Variants in LNPK observed in about 807,000 individuals in gnomAD.
LNPK encodes the protein endoplasmic reticulum junction formation protein lunapark.
LNPK carries 29 observed loss-of-function variants against 55.2 expected under a neutral mutation model. The observed-to-expected ratio is 0.53, with a 90% confidence interval of 0.39 to 0.72. LNPK has a LOEUF of 0.72. LNPK is among the 30% of genes least tolerant of loss of function. LNPK has a pLI of 0.00. For synonymous variants in LNPK, 162 were observed against 168.2 expected, an observed-to-expected ratio of 0.96 and a Z score of 0.29; for missense variants, 467 against 494.8, an observed-to-expected ratio of 0.94 and a Z score of 0.53.
rs1221289116 is a variant in LNPK at position 175,939,540 on chromosome 2, A to G, written c.812+12T>C. The G allele has an allele frequency of 7.4e-7, 1 of 1,356,060 alleles. No individual in the cohort carries two copies. Among genetic ancestry groups the G allele is most frequent in the Admixed American group, 1.7e-5 (1 of 58,600 alleles). The allele number at this position is 1,356,060 out of a possible 1,614,324, so 84.0% of individuals were successfully genotyped here. ...TTCATTTTCATTTATCTACCACCTT[A>G]GTAAATATTACCTGTTTTGTGGACC... On this transcript the variant is annotated intron_variant, in intron 10 of 12. Coordinates refer to ENST00000272748, the MANE Select transcript of LNPK (RefSeq NM_030650.3).
chr2:175,959,864 G>C (rs1253284162), intron 8 of LNPK, among the ~76,000 whole-genome samples: 3 of 150,830 alleles, frequency 2.0e-5, no homozygotes, highest in Non-Finnish European at 3.0e-5. Flanking sequence ...GATGGAGGAA[G>C]ATCTACCAAG....
At chr2:175,944,298 T>C (rs1685010310) in intron 9 of LNPK, among the ~76,000 whole-genome samples, 1 of 152,088 alleles carries the variant, frequency 6.6e-6, no homozygotes, top group Admixed American at 6.6e-5. Context: ...AGAAATATAC[T>C]GTGTTCATGT....
chr2:175,934,582 A>C (rs1029570090), intron 12 of LNPK, among the ~76,000 whole-genome samples: 3 of 152,274 alleles, frequency 2.0e-5, no homozygotes, highest in Admixed American at 6.5e-5. Context: ...TCACTGCATT[A>C]GAATATCAAC....
chr2:175,933,292 T>C (rs1006618397), intron 12 of LNPK, among the ~76,000 whole-genome samples: 1 of 152,262 alleles, frequency 6.6e-6, no homozygotes, highest in South Asian at 2.1e-4. Flanking sequence ...ACCTATAAAC[T>C]ACACACATGC....
At chr2:175,949,265 T>A (rs912942603) in intron 8 of LNPK, among the ~76,000 whole-genome samples, 3 of 152,078 alleles carry the variant, frequency 2.0e-5, no homozygotes, top group Non-Finnish European at 4.4e-5. Flanking sequence ...ACAAATCATA[T>A]CCTAACGTCT....
At chr2:175,988,835 G>A (rs569861763) in intron 4 of LNPK, among the ~76,000 whole-genome samples, 14 of 152,198 alleles carry the variant, frequency 9.2e-5, no homozygotes, top group South Asian at 2.1e-4. Context: ...GTGCAGTGGC[G>A]TGACCTCGGC....
At chr2:175,968,855 C>A (rs1266845672) in intron 6 of LNPK, among the ~76,000 whole-genome samples, 2 of 151,958 alleles carry the variant, frequency 1.3e-5, no homozygotes, top group Non-Finnish European at 2.9e-5. Flanking sequence ...CCCGCCTCTA[C>A]TAAAAATACA....
rs767819464 is a variant in LNPK, at chr2:175,939,551, CCT to C, written c.811_812del (p.Arg271ValfsTer12). ...TTATCTACCACCTTAGTAAATATTA[CCT>C]GTTTTGTGGACCATCACCAACCAAA... Reference protein sequence around the residue: ...EYLVGDGPQNRYALICQQCFS... With the variant: ...EYLVGDGPQNXYALICQQCFS... On this transcript the variant is annotated frameshift_variant and splice_region_variant, in exon 10 of 13. Transcript: ENST00000272748. LOFTEE classifies it high-confidence loss of function. 3 of 1,482,678 alleles carry C rather than the reference CCT, an allele frequency of 2.0e-6. No homozygotes were observed. Among genetic ancestry groups the C allele is most frequent in the Non-Finnish European group, 2.8e-6 (3 of 1,063,106 alleles). The allele number at this position is 1,482,678 out of a possible 1,614,324, so 91.8% of individuals were successfully genotyped here.
intron 11 of LNPK, 25 bp downstream of exon 11, chr2:175,938,288 A>C (rs769254405): frequency 4.6e-5 from 65 of 1,410,680 alleles, no homozygotes; most frequent in Non-Finnish European, 6.3e-5. Context: ...AAAATATTTA[A>C]ATCTCATTGC....
rs1374033032 is a variant in LNPK at position 175,937,461 on chromosome 2, G to T, written c.937C>A (p.Gln313Lys). Residue 313 changes from glutamine to lysine, a missense_variant, in exon 12 of 13, where the codon CAG (glutamine) becomes AAG (lysine). Transcript: ENST00000272748. ...FLNPARKTRP[Q>K]APRLPEFSFE... is the part of the protein sequence containing the mutation. ...CTAAACTCAGGAAGTCTTGGAGCCT[G>T]AGGTCTGGTTTTTCTTGCAGGGTTC... The T allele has an allele frequency of 1.9e-6, 3 of 1,613,674 alleles. No homozygotes were observed. The East Asian group carries it at 6.7e-5, about 36-fold the overall frequency.
chr2:175,972,302 G>T (rs1244966836), intron 5 of LNPK, among the ~76,000 whole-genome samples: 1 of 152,030 alleles, frequency 6.6e-6, no homozygotes, highest in Non-Finnish European at 1.5e-5. Context: ...TGAAATGCTT[G>T]GTGCTAGAAG....
chr2:175,944,242 A>T (rs917484128), intron 9 of LNPK, among the ~76,000 whole-genome samples: 2 of 152,160 alleles, frequency 1.3e-5, no homozygotes, highest in Non-Finnish European at 2.9e-5. Flanking sequence ...TACACCAAAC[A>T]CTACAAAACA....
intron 6 of LNPK, among the ~76,000 whole-genome samples, chr2:175,970,260 A>G (rs749074305): frequency 3.3e-5 from 5 of 152,122 alleles, no homozygotes; most frequent in Non-Finnish European, 7.4e-5. Flanking sequence ...ATAGATATCC[A>G]TGTGATCAGA....
chr2:175,941,333 G>A (rs753443806), intron 9 of LNPK, among the ~76,000 whole-genome samples: 6 of 139,360 alleles, frequency 4.3e-5, no homozygotes, highest in Non-Finnish European at 8.3e-5. Flanking sequence ...TCAAGAAGAG[G>A]AGAAAAATGA....
chr2:175,933,239 A>G (rs1467159076), intron 12 of LNPK, among the ~76,000 whole-genome samples: 4 of 152,170 alleles, frequency 2.6e-5, no homozygotes, highest in Non-Finnish European at 5.9e-5. Flanking sequence ...AGAAAACTGA[A>G]ACTCATAAAA....
intron 6 of LNPK, among the ~76,000 whole-genome samples, chr2:175,970,065 A>C (rs1686580486): frequency 6.6e-6 from 1 of 152,220 alleles, no homozygotes; most frequent in Non-Finnish European, 1.5e-5. Context: ...ATACAACATA[A>C]TACTATCAGC....
chr2:175,945,564 C>CT, intron 9 of LNPK, among the ~76,000 whole-genome samples: 2 of 149,456 alleles, frequency 1.3e-5, no homozygotes, highest in Middle Eastern at 3.5e-3. Context: ...TTTACTTGTG[C>CT]TAACAACATT....
chr2:175,970,254 A>G (rs1385407761), intron 6 of LNPK, among the ~76,000 whole-genome samples: 1 of 152,126 alleles, frequency 6.6e-6, no homozygotes, highest in East Asian at 1.9e-4. Flanking sequence ...CCCACAATAG[A>G]TATCCATGTG....
intron 5 of LNPK, 55 bp downstream of exon 5, chr2:175,979,755 C>T: frequency 3.0e-6 from 4 of 1,337,566 alleles, no homozygotes; most frequent in Non-Finnish European, 4.1e-6. Flanking sequence ...CTTACCAGCA[C>T]ATTCTAAAAT....
Sources: allele counts gnomAD v4.1 joint callset (sites outside exome capture counted in the v4.1 genomes callset), GRCh38; gene constraint gnomAD v4.1.1; transcripts MANE v1.5; gene names NCBI Gene and HGNC (gene_info 2026-07-23, HGNC 2026-07-21).